The following FBN3 variants were observed in gnomAD, a reference collection of about 807,000 sequenced individuals.
The protein encoded by FBN3 is fibrillin 3, also known as fibrillin-3.
A neutral mutation model predicts 330.1 loss-of-function variants in FBN3; 234 were observed. The ratio of observed to expected loss-of-function variants is 0.71; its 90% CI spans 0.64 to 0.79. The LOEUF (loss-of-function observed/expected upper bound fraction) is 0.79. Ranked by LOEUF, FBN3 falls within the 30% of genes least tolerant of loss-of-function variation. The pLI, the probability that FBN3 is intolerant of heterozygous loss-of-function variation, is 0.00. For synonymous variants in FBN3, 1,458 were observed against 1,517.3 expected, an observed-to-expected ratio of 0.96 and a Z score of 0.91; for missense variants, 3,606 against 3,886.9, an observed-to-expected ratio of 0.93 and a Z score of 1.92.
In FBN3 at chr19:8,121,372, G is replaced by A. The variant is rs758445321; in HGVS notation, c.3097C>T (p.Arg1033Cys). The change falls in exon 25 of 64, where the codon CGC (arginine) becomes TGC (cysteine). Residue 1033 changes from arginine to cysteine, a missense_variant. Coordinates refer to ENST00000600128, the MANE Select transcript of FBN3 (RefSeq NM_032447.5). The surrounding 1 kb of genome is among the most constrained non-coding windows in gnomAD (Gnocchi z 4.5). ...ERNCTDIDECRISPDLCGQGT... is the reference protein window; with the variant it reads ...ERNCTDIDECCISPDLCGQGT... ...TGGCCGCAGAGGTCAGGAGAGATGC[G>A]ACACTCGTCGATATCTGTGGGGAGA... is the stretch of plus-strand genomic sequence containing the variant. 17 of 1,603,792 alleles carry A rather than the reference G, an allele frequency of 1.1e-5. No homozygotes were observed. The highest frequency in any genetic ancestry group is 2.3e-5 in the East Asian group (1 of 44,350).
intron 1 of FBN3, 107 bp from the exon 2 acceptor site, chr19:8,147,604 G>C (rs2083582876): frequency 6.0e-6 from 6 of 998,434 alleles, no homozygotes; most frequent in Non-Finnish European, 8.2e-6. Context: ...GCAGCCCCGG[G>C]GCCTCTGGGA....
chr19:8,105,994 G>T, intron 38 of FBN3, 114 bp downstream of exon 38: 1 of 1,245,064 alleles, frequency 8.0e-7, no homozygotes, highest in Non-Finnish European at 1.1e-6. Flanking sequence ...GAGGCAGGGG[G>T]CAGAAGCCTT....
At chr19:8,126,190 G>T in intron 21 of FBN3, 107 bp downstream of exon 21, 1 of 1,433,846 alleles carries the variant, frequency 7.0e-7, no homozygotes, top group Non-Finnish European at 9.6e-7. Flanking sequence ...TGTCCCCATC[G>T]CAAAAGACTC....
chr19:8,141,557 G>A (rs925603840), intron 8 of FBN3, among the ~76,000 whole-genome samples, 160 bp downstream of exon 8: 3 of 152,072 alleles, frequency 2.0e-5, no homozygotes, highest in Non-Finnish European at 4.4e-5. Flanking sequence ...AACAGAGGCC[G>A]GACAGGCTGA....
chr19:8,138,214 C>T lies in FBN3; in HGVS notation c.1128G>A (p.Gly376=), dbSNP rs1393488892. Residue 376 remains glycine (G), a synonymous_variant, in exon 10 of 64, where the codon GGG becomes GGA. Transcript: ENST00000600128. ...FGSNGMGPPL[G]PARLNPHGSD... ...AGCCATGGGGGTTGAGTCGCGCTGG[C>T]CCAAGAGGGGGACCCATGCCATTGG... 1 of 1,612,490 alleles carries T rather than the reference C, an allele frequency of 6.2e-7. No homozygotes were observed. The highest frequency in any genetic ancestry group is 1.7e-5 in the Admixed American group (1 of 59,336).
At chr19:8,070,287 T>C (rs1420040210) in intron 63 of FBN3, among the ~76,000 whole-genome samples, 1 of 152,166 alleles carries the variant, frequency 6.6e-6, no homozygotes, top group Non-Finnish European at 1.5e-5. Context: ...TTATCATGTA[T>C]CATATTTGTC....
intron 57 of FBN3, among the ~76,000 whole-genome samples, chr19:8,082,724 C>T (rs1479439984): frequency 6.6e-6 from 1 of 151,996 alleles, no homozygotes; most frequent in African/African-American, 2.4e-5. Flanking sequence ...GAAATCCTGG[C>T]TTCAAATGAT....
rs768703087 is a variant in FBN3, at chr19:8,121,131, T to C, written c.3211+127A>G. 6 of 931,500 alleles carry C rather than the reference T, an allele frequency of 6.4e-6. No individual in the cohort carries two copies. In the Middle Eastern group the frequency reaches 1.2e-3, roughly 184 times the overall value. The allele number at this position is 931,500 out of a possible 1,614,324, so 57.7% of individuals were successfully genotyped here. The stretch of plus-strand genomic sequence containing the variant: ...CAGACTCACTGTACCTCAGCTAATT[T>C]ACAGCTCCTCCCTCCTCCTGCCCCC... On this transcript the variant is annotated intron_variant, in intron 25 of 63. Transcript: ENST00000600128. The surrounding 1 kb of genome is among the most constrained non-coding windows in gnomAD (Gnocchi z 4.5).
intron 13 of FBN3, 25 bp downstream of exon 13, chr19:8,135,936 G>GACCC: frequency 2.2e-5 from 15 of 668,776 alleles, no homozygotes; most frequent in South Asian, 3.2e-5. Flanking sequence ...GGAAGCCCCT[G>GACCC]CCCACCCGCC....
At position 8,095,521 on chromosome 19, in the gene FBN3, G is replaced by C; in HGVS notation, c.5657-18C>G. The stretch of plus-strand genomic sequence containing the variant: ...ATCAAAATCTGTAGAGGGGAGATGG[G>C]CAGGCCAGTTCACCCACAAAACTTG... On this transcript the variant is annotated intron_variant, in intron 45 of 63. Transcript: ENST00000600128. 1.2e-6 allele frequency: 2 copies of C among 1,609,676 alleles called. No homozygotes were observed. The highest frequency in any genetic ancestry group is 1.3e-5 in the African/African-American group (1 of 74,940).
intron 40 of FBN3, among the ~76,000 whole-genome samples, chr19:8,101,193 C>G (rs1049858572): frequency 6.6e-5 from 10 of 152,114 alleles, no homozygotes; most frequent in Non-Finnish European, 8.8e-5. Context: ...GGTGCAATCA[C>G]GGCTCACTGC....
At chr19:8,141,579 A>G in intron 8 of FBN3, 138 bp downstream of exon 8, 1 of 950,006 alleles carries the variant, frequency 1.1e-6, no homozygotes, top group Non-Finnish European at 1.6e-6. Flanking sequence ...ACACTCATTC[A>G]CATCTACATA....
At chr19:8,083,715 C>T (rs2081862820) in intron 56 of FBN3, among the ~76,000 whole-genome samples, 1 of 152,106 alleles carries the variant, frequency 6.6e-6, no homozygotes, top group South Asian at 2.1e-4. Context: ...TGCAGAAACA[C>T]GGGAACACAC....
chr19:8,081,428 G>T lies in FBN3; in HGVS notation c.7266C>A (p.Asn2422Lys). 6.2e-7 allele frequency: 1 copy of T among 1,612,774 alleles called. No homozygotes were observed. Among genetic ancestry groups the T allele is most frequent in the Non-Finnish European group, 8.5e-7 (1 of 1,179,392 alleles). Residue 2422 changes from asparagine to lysine, a missense_variant, in exon 58 of 64, where the codon AAC becomes AAA. Asn to Lys is a moderately conservative substitution (Grantham distance 94). Transcript: ENST00000600128. ...VPKPCTFLCK[N>K]TKGSFLCSCP... Reference sequence around the variant, plus strand: ...AGCTGCACAGGAAACTGCCCTTCGTGTTTTTGCAGAGGAAGGTACATGGCT... The same window carrying T: ...AGCTGCACAGGAAACTGCCCTTCGTTTTTTTGCAGAGGAAGGTACATGGCT...
intron 47 of FBN3, among the ~76,000 whole-genome samples, chr19:8,093,346 T>G (rs763695514): frequency 1.3e-4 from 20 of 151,844 alleles, no homozygotes; most frequent in South Asian, 4.2e-4. Flanking sequence ...AAATTGGGCC[T>G]GGCGCAATGG....
At chr19:8,132,130 C>T (rs1418982421) in intron 14 of FBN3, among the ~76,000 whole-genome samples, 1 of 152,108 alleles carries the variant, frequency 6.6e-6, no homozygotes, top group Non-Finnish European at 1.5e-5. Context: ...ACTGCGGCCT[C>T]CAACTCCAGG....
intron 59 of FBN3, among the ~76,000 whole-genome samples, chr19:8,077,274 G>A (rs964366152): frequency 3.3e-5 from 5 of 152,164 alleles, no homozygotes; most frequent in Admixed American, 6.6e-5. Flanking sequence ...AATTCCTGGT[G>A]GAAAATCCTG....
chr19:8,115,598 C>G lies in FBN3; in HGVS notation c.3755G>C (p.Gly1252Ala). Residue 1252 changes from glycine to alanine, a missense_variant, in exon 30 of 64, where the codon GGG becomes GCG. Physicochemically the swap from Gly to Ala is moderately conservative, Grantham distance 60. Coordinates refer to ENST00000600128, the MANE Select transcript of FBN3 (RefSeq NM_032447.5). ...GGAACCCTTCGTGTTCTCGCAGTCC[C>G]CATGGAGGCAGATGTGAGGGTTCAG... ...CDLNPHICLH[G>A]DCENTKGSFV... 1 of 1,614,036 alleles carries G rather than the reference C, an allele frequency of 6.2e-7. No homozygotes were observed. Among genetic ancestry groups the G allele is most frequent in the Non-Finnish European group, 8.5e-7 (1 of 1,180,002 alleles).
chr19:8,072,282 G>T, intron 62 of FBN3, 84 bp from the exon 63 acceptor site: 2 of 1,381,730 alleles, frequency 1.4e-6, no homozygotes, highest in South Asian at 2.8e-5. Context: ...CCCATACTCC[G>T]TTCTGAGTCA....
Sources: allele counts gnomAD v4.1 joint callset (sites outside exome capture counted in the v4.1 genomes callset), GRCh38; gene constraint gnomAD v4.1.1; non-coding constraint Gnocchi (gnomAD v3.1); transcripts MANE v1.5; gene names NCBI Gene and HGNC (gene_info 2026-07-23, HGNC 2026-07-21).